Variants in BLNK observed in about 807,000 individuals in gnomAD.
BLNK encodes B-cell linker protein.
Under a neutral mutation model 73.5 loss-of-function variants are expected in BLNK, and 29 were observed. That is an observed-to-expected ratio of 0.39 (90% confidence interval 0.29 to 0.54). The LOEUF (loss-of-function observed/expected upper bound fraction) is 0.54, where lower values mean the gene tolerates loss of function less well. BLNK is among the 20% of genes least tolerant of loss of function. BLNK has a pLI of 0.61. For missense variants in BLNK, 460 were observed against 562.8 expected, an observed-to-expected ratio of 0.82 and a Z score of 1.85; for synonymous variants, 176 against 200.8, an observed-to-expected ratio of 0.88 and a Z score of 1.04.
chr10:96,247,822 TG>T (rs1554908039), intron 1 of BLNK, among the ~76,000 whole-genome samples: 1 of 152,230 alleles, frequency 6.6e-6, no homozygotes, highest in Non-Finnish European at 1.5e-5. Context: ...CCAATCAGAC[TG>T]GTCGTGGGCC....
chr10:96,209,454 G>A (rs1466981358), intron 9 of BLNK, among the ~76,000 whole-genome samples: 1 of 152,076 alleles, frequency 6.6e-6, no homozygotes, highest in Non-Finnish European at 1.5e-5. Flanking sequence ...CTGGAGTGCA[G>A]TGCTGTGATC....
At chr10:96,260,743 T>C (rs1843719036) in intron 1 of BLNK, among the ~76,000 whole-genome samples, 1 of 152,202 alleles carries the variant, frequency 6.6e-6, no homozygotes, top group South Asian at 2.1e-4. Flanking sequence ...ATATTGGGAA[T>C]GTCTTGTATG....
At chr10:96,204,293 T>C in intron 12 of BLNK, 1 of 718,718 alleles carries the variant, frequency 1.4e-6, no homozygotes, top group Non-Finnish European at 2.3e-6. Context: ...AAGGAGGAAA[T>C]CTTGACTAAA....
chr10:96,211,350 G>A (rs1316752918), intron 8 of BLNK, among the ~76,000 whole-genome samples: 3 of 152,216 alleles, frequency 2.0e-5, no homozygotes, highest in Non-Finnish European at 4.4e-5. Context: ...GTTAGGGGCC[G>A]AGGAAGAGGT....
intron 9 of BLNK, among the ~76,000 whole-genome samples, chr10:96,209,540 G>C (rs1207943137): frequency 1.3e-5 from 2 of 152,160 alleles, no homozygotes; most frequent in Non-Finnish European, 2.9e-5. Flanking sequence ...TTACAGGTGT[G>C]TGCCACCACG....
At chr10:96,204,220 C>T in intron 12 of BLNK, 132 bp from the exon 13 acceptor site, 1 of 1,031,550 alleles carries the variant, frequency 9.7e-7, no homozygotes, top group Non-Finnish European at 1.5e-6. Context: ...TAAAATGTAT[C>T]TAAAGATAAA....
At chr10:96,270,334 T>C (rs1844216378) in intron 1 of BLNK, among the ~76,000 whole-genome samples, 2 of 152,238 alleles carry the variant, frequency 1.3e-5, no homozygotes, top group African/African-American at 4.8e-5. Context: ...CTCTGGCTCA[T>C]TGTTATCTGT....
At chr10:96,214,153 T>C (rs1186210767) in intron 8 of BLNK, among the ~76,000 whole-genome samples, 1 of 152,166 alleles carries the variant, frequency 6.6e-6, no homozygotes, top group Non-Finnish European at 1.5e-5. Flanking sequence ...TGTGTGTGTG[T>C]GCACACGCGC....
Position 96,190,319 on chromosome 10 carries a change from T to C in BLNK, c.*1654A>G, listed in dbSNP as rs1591283719. 1.7e-6 allele frequency: 1 copy of C among 594,170 alleles called. No individual in the cohort carries two copies. The allele number at this position is 594,170 out of a possible 1,614,324, so 36.8% of individuals were successfully genotyped here. A position where few individuals can be genotyped will look rare whatever the true frequency, so the allele number is the denominator to read the frequency against. ...ACAGGATGGAATCACGCCAGTAGTA[T>C]TGTTCCTGTGTGTCTCTTCATATAG... On this transcript the variant is annotated 3_prime_UTR_variant, in exon 17 of 17. Transcript: ENST00000224337.
chr10:96,201,184 T>C (rs2083623714), intron 13 of BLNK, 126 bp from the exon 14 acceptor site: 1 of 851,494 alleles, frequency 1.2e-6, no homozygotes, highest in Admixed American at 2.0e-5. Flanking sequence ...CTTAAGGCAA[T>C]GGTTCCAAAA....
At chr10:96,211,650 C>T (rs143150374) in intron 8 of BLNK, among the ~76,000 whole-genome samples, 177 of 152,292 alleles carry the variant, frequency 1.2e-3, no homozygotes, top group African/African-American at 4.1e-3. Context: ...GGAAGCAATG[C>T]CCCCTCCATG....
intron 16 of BLNK, among the ~76,000 whole-genome samples, chr10:96,194,565 T>C (rs903083977): frequency 6.6e-6 from 1 of 152,072 alleles, no homozygotes; most frequent in African/African-American, 2.4e-5. Context: ...AGGTAACCTA[T>C]GGAGTGGGAA....
intron 3 of BLNK, among the ~76,000 whole-genome samples, chr10:96,231,268 C>T (rs1406587911): frequency 6.6e-6 from 1 of 152,160 alleles, no homozygotes; most frequent in African/African-American, 2.4e-5. Context: ...ATCTCTGAGC[C>T]TCGGTTTCCA....
Position 96,200,406 on chromosome 10 carries a change from T to G in BLNK, c.1012-248A>C, listed in dbSNP as rs2083600147. 6.6e-6 allele frequency among the ~76,000 whole-genome samples: 1 copy of G among 152,250 alleles called. No homozygotes were observed. The highest frequency in any genetic ancestry group is 2.4e-5 in the African/African-American group (1 of 41,470). On this transcript the variant is annotated intron_variant, in intron 14 of 16. Transcript: ENST00000224337. The surrounding 1 kb of genome is among the most constrained non-coding windows in gnomAD (Gnocchi z 4.3). ...TATTTCTTTCTTTCTCCTAAATAAG[T>G]AATAATCCCCCTTTCCATTGTGCTC...
At chr10:96,265,725 G>A (rs913412829) in intron 1 of BLNK, among the ~76,000 whole-genome samples, 4 of 152,174 alleles carry the variant, frequency 2.6e-5, no homozygotes, top group African/African-American at 9.7e-5. Context: ...GTCACTATAA[G>A]CAAATAGAAA....
chr10:96,222,964 A>G (rs1344334581), intron 6 of BLNK, among the ~76,000 whole-genome samples: 2 of 152,126 alleles, frequency 1.3e-5, no homozygotes, highest in African/African-American at 2.4e-5. Context: ...TAAAATAATA[A>G]TTGGTTACAG....
At chr10:96,252,229 T>C (rs997170483) in intron 1 of BLNK, among the ~76,000 whole-genome samples, 1 of 152,064 alleles carries the variant, frequency 6.6e-6, no homozygotes, top group Admixed American at 6.5e-5. Context: ...TTTTTTGTAT[T>C]TTTAGTAGAG....
At chr10:96,269,337 G>C (rs1458991037) in intron 1 of BLNK, among the ~76,000 whole-genome samples, 1 of 151,528 alleles carries the variant, frequency 6.6e-6, no homozygotes, top group Non-Finnish European at 1.5e-5. Flanking sequence ...TTAAGTTCTA[G>C]CACCTTTACT....
At chr10:96,221,490 G>A (rs1219522340) in intron 6 of BLNK, among the ~76,000 whole-genome samples, 1 of 151,834 alleles carries the variant, frequency 6.6e-6, no homozygotes, top group African/African-American at 2.4e-5. Context: ...TTCTTATATT[G>A]GCTCTCTATC....
Sources: gnomAD v4.1 joint callset for allele counts (sites outside exome capture counted in the v4.1 genomes callset) on GRCh38, gnomAD v4.1.1 for gene constraint, Gnocchi (gnomAD v3.1) non-coding constraint, MANE v1.5 for transcripts, NCBI Gene and HGNC (gene_info 2026-07-23, HGNC 2026-07-21) for gene names.